FNIP1: variants seen among roughly 807,000 people sequenced by gnomAD.
FNIP1 encodes the protein folliculin interacting protein 1.
FNIP1 carries 40 observed loss-of-function variants against 124.5 expected under a neutral mutation model. The ratio of observed to expected loss-of-function variants is 0.32; its 90% CI spans 0.25 to 0.42. The LOEUF (loss-of-function observed/expected upper bound fraction) is 0.42, where lower values mean the gene tolerates loss of function less well. Among genes scored for constraint, FNIP1 ranks in the 10% least tolerant of loss-of-function variants. The probability of loss-of-function intolerance (pLI) is 1.00; values close to 1 mark genes in which losing one functional copy is unlikely to be tolerated. For missense variants in FNIP1, 1,176 were observed against 1,403.7 expected, an observed-to-expected ratio of 0.84 and a Z score of 2.59; for synonymous variants, 472 against 470.6, an observed-to-expected ratio of 1.00 and a Z score of -0.04.
rs183734895 is a variant in FNIP1, at chr5:131,711,273, C to T, written c.623-612G>A. Among the ~76,000 whole-genome samples, 376 of 152,308 alleles carry T rather than the reference C, an allele frequency of 2.5e-3. 1 individual carries two copies. The highest frequency in any genetic ancestry group is 3.1e-3 in the Non-Finnish European group (213 of 68,024). ...AAGGAGGAACACAAATGAAGCTCATCAGGGACCAGACTCCCAGCTGTTCAA... is the reference window on the plus strand; with the variant it reads ...AAGGAGGAACACAAATGAAGCTCATTAGGGACCAGACTCCCAGCTGTTCAA... On this transcript the variant is annotated intron_variant, in intron 6 of 17. Transcript: ENST00000510461.
chr5:131,766,781 T>C (rs979705253), intron 1 of FNIP1, among the ~76,000 whole-genome samples: 16 of 152,164 alleles, frequency 1.1e-4, no homozygotes, highest in African/African-American at 3.9e-4. Flanking sequence ...TATAGGTCTT[T>C]GAGTTCAAAG....
intron 15 of FNIP1, among the ~76,000 whole-genome samples, chr5:131,665,634 G>A (rs1468425701): frequency 6.7e-6 from 1 of 148,462 alleles, no homozygotes; most frequent in Non-Finnish European, 1.5e-5. Flanking sequence ...CTGTCACCTG[G>A]CCTGGAGTGC....
At chr5:131,700,210 T>C (rs1178726050) in intron 10 of FNIP1, among the ~76,000 whole-genome samples, 1 of 151,816 alleles carries the variant, frequency 6.6e-6, no homozygotes, top group Non-Finnish European at 1.5e-5. Context: ...TCTCGATCTC[T>C]TGACCTTGTG....
At chr5:131,701,723 C>G (rs115907019) in intron 10 of FNIP1, among the ~76,000 whole-genome samples, 1 of 152,162 alleles carries the variant, frequency 6.6e-6, no homozygotes, top group Non-Finnish European at 1.5e-5. Context: ...ACCCACCTCT[C>G]GTCTCTTACT....
At chr5:131,658,269 C>T (rs1353865437) in intron 15 of FNIP1, among the ~76,000 whole-genome samples, 2 of 152,156 alleles carry the variant, frequency 1.3e-5, no homozygotes, top group African/African-American at 2.4e-5. Context: ...TCTTTTACCA[C>T]ATGGGCCCTT....
intron 15 of FNIP1, among the ~76,000 whole-genome samples, chr5:131,662,309 GA>G (rs59044120): frequency 7.4e-4 from 108 of 146,936 alleles, no homozygotes; most frequent in African/African-American, 2.2e-3. Flanking sequence ...AAAAAGAAAG[GA>G]AAAAAAAAAC....
intron 15 of FNIP1, among the ~76,000 whole-genome samples, chr5:131,654,907 G>A (rs930074285): frequency 6.6e-6 from 1 of 152,130 alleles, no homozygotes; most frequent in Admixed American, 6.5e-5. Context: ...ATTTATATTT[G>A]TTTTTTATAA....
chr5:131,715,997 G>GA (rs1360710868), intron 6 of FNIP1, among the ~76,000 whole-genome samples: 4 of 152,094 alleles, frequency 2.6e-5, no homozygotes, highest in South Asian at 2.1e-4. Flanking sequence ...GAGCTGTCTA[G>GA]AAAAAATGAC....
intron 5 of FNIP1, among the ~76,000 whole-genome samples, chr5:131,717,419 G>A (rs1300473219): frequency 1.3e-5 from 2 of 152,100 alleles, no homozygotes; most frequent in Non-Finnish European, 2.9e-5. Context: ...CCAAGTCTTT[G>A]CGCCAAAAAA....
intron 4 of FNIP1, 42 bp downstream of exon 4, chr5:131,719,275 T>TA: frequency 6.4e-7 from 1 of 1,559,276 alleles, no homozygotes; most frequent in Non-Finnish European, 8.7e-7. Flanking sequence ...CGAAAATATC[T>TA]AAAAATGGGA....
intron 11 of FNIP1, among the ~76,000 whole-genome samples, chr5:131,679,913 T>C (rs1394180901): frequency 2.0e-5 from 3 of 152,212 alleles, no homozygotes; most frequent in Non-Finnish European, 4.4e-5. Flanking sequence ...CAAAGCCCTA[T>C]ACATTTACTA....
At chr5:131,670,268 G>A (rs1262922156) in intron 15 of FNIP1, among the ~76,000 whole-genome samples, 195 bp downstream of exon 15, 1 of 152,166 alleles carries the variant, frequency 6.6e-6, no homozygotes, top group African/African-American at 2.4e-5. Context: ...AGATATCCAT[G>A]TGGATAGATT....
intron 11 of FNIP1, among the ~76,000 whole-genome samples, chr5:131,688,731 A>T (rs1487787436): frequency 6.7e-6 from 1 of 150,312 alleles, no homozygotes; most frequent in East Asian, 1.9e-4. Flanking sequence ...AGCAGGAATG[A>T]AGAATGCTTT....
chr5:131,718,446 ACTTTAGCC>A (rs1190647394), intron 5 of FNIP1, among the ~76,000 whole-genome samples: 1 of 152,120 alleles, frequency 6.6e-6, no homozygotes, highest in Non-Finnish European at 1.5e-5. Flanking sequence ...CCACTGCCTA[ACTTTAGCC>A]CCAGTAATTT....
At chr5:131,655,291 G>A (rs1376544779) in intron 15 of FNIP1, among the ~76,000 whole-genome samples, 1 of 152,078 alleles carries the variant, frequency 6.6e-6, no homozygotes, top group East Asian at 1.9e-4. Context: ...AGGATCAATT[G>A]AGCCCAGTAG....
chr5:131,729,506 C>T (rs931435271), intron 3 of FNIP1, among the ~76,000 whole-genome samples: 9 of 152,218 alleles, frequency 5.9e-5, no homozygotes, highest in Admixed American at 1.3e-4. Context: ...AGAAATCACC[C>T]GCCTTCTGCG....
intron 2 of FNIP1, among the ~76,000 whole-genome samples, chr5:131,742,671 C>G (rs1403677998): frequency 2.6e-5 from 4 of 152,200 alleles, no homozygotes; most frequent in East Asian, 3.8e-4. Context: ...TACAGCAAAG[C>G]TGAATAATTT....
Position 131,709,215 on chromosome 5 carries a change from C to T in FNIP1, c.764G>A (p.Gly255Asp). The change falls in exon 8 of 18, where the codon GGC (glycine) becomes GAC (aspartate). Residue 255 changes from glycine to aspartate, a missense_variant. Physicochemically the swap from Gly to Asp is moderately conservative, Grantham distance 94. Transcript: ENST00000510461. ...CGTGACATTACCAGACCGTGCTATG[C>T]CACTGTCTCTGTCCTCATTGAGCTC... ...GRELNEDRDS[G>D]IARSASLSSL... The T allele has an allele frequency of 6.2e-7, 1 of 1,613,358 alleles. No individual in the cohort carries two copies. Among genetic ancestry groups the T allele is most frequent in the Non-Finnish European group, 8.5e-7 (1 of 1,179,356 alleles).
intron 15 of FNIP1, among the ~76,000 whole-genome samples, chr5:131,661,160 C>G (rs1181833341): frequency 6.6e-6 from 1 of 151,674 alleles, no homozygotes; most frequent in Non-Finnish European, 1.5e-5. Flanking sequence ...GAAGCATACT[C>G]TTAGAATTCT....
Sources: allele counts gnomAD v4.1 joint callset (sites outside exome capture counted in the v4.1 genomes callset), GRCh38; gene constraint gnomAD v4.1.1; transcripts MANE v1.5; gene names NCBI Gene and HGNC (gene_info 2026-07-23, HGNC 2026-07-21).